Variants in OCRL observed in about 807,000 individuals in gnomAD.
OCRL encodes OCRL inositol polyphosphate-5-phosphatase.
In OCRL, 8 loss-of-function variants were observed where a neutral mutation model predicts 78.9. The observed-to-expected ratio is 0.10, with a 90% CI of 0.06 to 0.18. OCRL has a LOEUF of 0.18. Ranked by LOEUF, OCRL falls within the 10% of genes least tolerant of loss-of-function variation. OCRL has a pLI of 1.00. For synonymous variants in OCRL, 240 were observed against 235.4 expected, an observed-to-expected ratio of 1.02 and a Z score of -0.18; for missense variants, 454 against 696.7, an observed-to-expected ratio of 0.65 and a Z score of 3.92.
At chrX:129,540,533 C>A in intron 1 of OCRL, 55 bp downstream of exon 1, 2 of 334,515 alleles carry the variant, frequency 6.0e-6, no homozygotes, top group South Asian at 6.0e-5. Flanking sequence ...GGGTGGGGGT[C>A]GGGGGCCCTG....
chrX:129,571,736 A>G (rs921248717), intron 15 of OCRL, among the ~76,000 whole-genome samples: 22 of 111,458 alleles, frequency 2.0e-4, no homozygotes, highest in African/African-American at 5.9e-4. Context: ...TATCTTTAAT[A>G]AAGATATGCC....
chrX:129,584,374 C>G lies in OCRL; in HGVS notation c.2139+7C>G. 1.7e-6 allele frequency: 2 copies of G among 1,204,298 alleles called. No individual in the cohort carries two copies. Among genetic ancestry groups the G allele is most frequent in the Admixed American group, 2.2e-5 (1 of 46,024 alleles). ...AGACAGCTTCCTAGAAAAGGTAATG[C>G]AATCCATTGGTGGTTATGAGAGTTT... On this transcript the variant is annotated splice_region_variant and intron_variant, in intron 19 of 23. Coordinates refer to ENST00000371113, the MANE Select transcript of OCRL (RefSeq NM_000276.4).
intron 12 of OCRL, 57 bp downstream of exon 12, chrX:129,562,843 G>A (rs755021873): frequency 5.2e-5 from 55 of 1,064,334 alleles, no homozygotes; most frequent in Non-Finnish European, 7.2e-5. Context: ...TTTGGATAGT[G>A]TAGAGATTAA....
At chrX:129,541,632 C>T (rs1339332178) in intron 2 of OCRL, among the ~76,000 whole-genome samples, 1 of 112,174 alleles carries the variant, frequency 8.9e-6, no homozygotes, top group Admixed American at 9.4e-5. Context: ...GGCCCCTATC[C>T]CTGTGTGCCC....
Position 129,543,167 on chromosome X carries a change from A to G in OCRL, c.120-1791A>G, listed in dbSNP as rs766144888. On this transcript the variant is annotated intron_variant, in intron 2 of 23. Coordinates refer to ENST00000371113, the MANE Select transcript of OCRL (RefSeq NM_000276.4). ...AATTCCATTGTTTTGCTGTATACCA[A>G]TTATTTCTAATCTTTATATTCTGAA... 5.3e-5 allele frequency among the ~76,000 whole-genome samples: 6 copies of G among 112,170 alleles called. No homozygotes were observed. The South Asian group carries it at 2.2e-3, about 41-fold the overall frequency.
intron 14 of OCRL, among the ~76,000 whole-genome samples, chrX:129,568,982 C>G (rs1165260115): frequency 1.8e-5 from 2 of 112,711 alleles, no homozygotes; most frequent in East Asian, 2.8e-4. Context: ...TACTCCCAAT[C>G]TTAACAGAAC....
chrX:129,547,781 G>A (rs1245352265), intron 3 of OCRL, among the ~76,000 whole-genome samples: 1 of 111,159 alleles, frequency 9.0e-6, no homozygotes, highest in African/African-American at 3.3e-5. Flanking sequence ...AGGTGAAAAA[G>A]GTGAGACTAC....
chrX:129,585,623 A>G (rs1936502163), intron 19 of OCRL, among the ~76,000 whole-genome samples: 1 of 112,078 alleles, frequency 8.9e-6, no homozygotes, highest in Non-Finnish European at 1.9e-5. Context: ...TGAGCCATTG[A>G]TAGACATTCT....
intron 18 of OCRL, among the ~76,000 whole-genome samples, chrX:129,581,860 T>C (rs981785861): frequency 1.0e-5 from 1 of 98,592 alleles, no homozygotes; most frequent in Admixed American, 1.1e-4. Context: ...TCTCTCTCTC[T>C]CTCTCTGTCT....
chrX:129,547,779 A>G (rs1237784517), intron 3 of OCRL, among the ~76,000 whole-genome samples: 3 of 111,027 alleles, frequency 2.7e-5, no homozygotes, highest in Admixed American at 9.6e-5. Context: ...GGAGGTGAAA[A>G]AGGTGAGACT....
At position 129,561,229 on chromosome X, in the gene OCRL, T is replaced by G; in HGVS notation, c.875T>G (p.Val292Gly). Reference protein sequence around the residue: ...STEAFFYFESVKEQEWSMAVE... With the variant: ...STEAFFYFESGKEQEWSMAVE... Reference sequence around the variant, plus strand: ...GAAGCCTTCTTCTACTTTGAATCTGTGAAGGAACAAGAATGGTCCATGGCT... The same window carrying G: ...GAAGCCTTCTTCTACTTTGAATCTGGGAAGGAACAAGAATGGTCCATGGCT... Residue 292 changes from valine (V) to glycine (G), a missense_variant, in exon 10 of 24, where the codon GTG becomes GGG. Physicochemically the swap from Val to Gly is moderately radical, Grantham distance 109. Transcript: ENST00000371113. 8.3e-7 allele frequency: 1 copy of G among 1,210,175 alleles called. No homozygotes were observed. The highest frequency in any genetic ancestry group is 1.1e-6 in the Non-Finnish European group (1 of 893,972).
chrX:129,567,053 A>G (rs375678717), intron 13 of OCRL, among the ~76,000 whole-genome samples: 2 of 112,117 alleles, frequency 1.8e-5, no homozygotes, highest in African/African-American at 6.5e-5. Context: ...CAAGCATCCT[A>G]TCTGAGGGTG....
chrX:129,585,719 A>AT (rs1230406343), intron 19 of OCRL, among the ~76,000 whole-genome samples: 1 of 111,842 alleles, frequency 8.9e-6, no homozygotes, highest in African/African-American at 3.3e-5. Context: ...AAAAAGAAAG[A>AT]TTTTAAATGG....
At chrX:129,555,815 G>T (rs930743178) in intron 4 of OCRL, among the ~76,000 whole-genome samples, 1 of 112,005 alleles carries the variant, frequency 8.9e-6, no homozygotes, top group African/African-American at 3.3e-5. Flanking sequence ...GATAATAAGG[G>T]TTTTTGTTCT....
In OCRL at chrX:129,584,268, T is replaced by C. The variant is rs139197452; in HGVS notation, c.2116-76T>C. The C allele has an allele frequency of 2.8e-3, 2,600 of 935,373 alleles. 37 individuals carry two copies. In the African/African-American group the frequency reaches 0.043, roughly 16 times the overall value. 77.1% of individuals were successfully genotyped at this position (935,373 alleles called of 1,213,427 possible). On this transcript the variant is annotated intron_variant, in intron 18 of 23. Coordinates refer to ENST00000371113, the MANE Select transcript of OCRL (RefSeq NM_000276.4). Reference sequence around the variant, plus strand: ...GTAAGATAGTGAGTTCTAATACTGATCTGTTTCTAATTCTGTAAATTAATT... The same window carrying C: ...GTAAGATAGTGAGTTCTAATACTGACCTGTTTCTAATTCTGTAAATTAATT...
intron 16 of OCRL, 28 bp from the exon 17 acceptor site, chrX:129,575,869 A>G (rs755674607): frequency 8.3e-7 from 1 of 1,208,471 alleles, no homozygotes; most frequent in Non-Finnish European, 1.1e-6. Context: ...CTAGTGATGC[A>G]TGTTTGTGTC....
intron 4 of OCRL, among the ~76,000 whole-genome samples, chrX:129,549,431 G>A (rs988465336): frequency 5.4e-5 from 6 of 111,626 alleles, no homozygotes; most frequent in Non-Finnish European, 9.4e-5. Flanking sequence ...GGGACTAGGG[G>A]TTTACATAAC....
At chrX:129,582,994 G>A (rs760298409) in intron 18 of OCRL, among the ~76,000 whole-genome samples, 1 of 111,950 alleles carries the variant, frequency 8.9e-6, no homozygotes, top group African/African-American at 3.2e-5. Flanking sequence ...AGTCAGATTC[G>A]AAACAATCCA....
intron 4 of OCRL, among the ~76,000 whole-genome samples, chrX:129,554,822 C>T (rs1172603210): frequency 1.8e-5 from 2 of 108,899 alleles, no homozygotes; most frequent in East Asian, 5.7e-4. Flanking sequence ...TGTGGTCGTG[C>T]GTGCCTGTAA....
Sources: allele counts gnomAD v4.1 joint callset (sites outside exome capture counted in the v4.1 genomes callset), GRCh38; gene constraint gnomAD v4.1.1; transcripts MANE v1.5; gene names NCBI Gene and HGNC (gene_info 2026-07-23, HGNC 2026-07-21).